Variants in DCUN1D4 observed in about 807,000 individuals in gnomAD.
DCUN1D4 encodes DCN1-like protein 4.
DCUN1D4 carries 22 observed loss-of-function variants against 47.9 expected under a neutral mutation model. The ratio of observed to expected loss-of-function variants is 0.46; its 90% CI spans 0.33 to 0.66. DCUN1D4 has a LOEUF of 0.66. Among genes scored for constraint, DCUN1D4 ranks in the 30% least tolerant of loss-of-function variants. DCUN1D4 has a pLI of 0.02. For synonymous variants in DCUN1D4, 121 were observed against 112.2 expected, an observed-to-expected ratio of 1.08 and a Z score of -0.50; for missense variants, 301 against 340.8, an observed-to-expected ratio of 0.88 and a Z score of 0.92.
At chr4:51,842,758 T>G (rs1204782187), upstream of DCUN1D4, among the ~76,000 whole-genome samples, 1 of 152,134 alleles carries the variant, frequency 6.6e-6, no homozygotes, top group Non-Finnish European at 1.5e-5. Context: ...TGGGAAACAC[T>G]TCGCGTGCTT....
At chr4:51,851,357 A>C (rs1368898132) in intron 1 of DCUN1D4, among the ~76,000 whole-genome samples, 1 of 152,196 alleles carries the variant, frequency 6.6e-6, no homozygotes, top group Admixed American at 6.5e-5. Flanking sequence ...AGCAGTTGTC[A>C]TGTGAGTTTT....
chr4:51,911,395 C>T (rs550315784), intron 9 of DCUN1D4, among the ~76,000 whole-genome samples: 42 of 152,250 alleles, frequency 2.8e-4, no homozygotes, highest in African/African-American at 9.9e-4. Context: ...AAAATGCATC[C>T]GAAACAGCCA....
At chr4:51,838,542 C>A (rs1347710982), upstream of DCUN1D4, among the ~76,000 whole-genome samples, 1 of 152,016 alleles carries the variant, frequency 6.6e-6, no homozygotes, top group Non-Finnish European at 1.5e-5. Flanking sequence ...CCACCACACC[C>A]AGATAATTTT....
At chr4:51,848,253 A>G in intron 1 of DCUN1D4, 1 of 1,289,402 alleles carries the variant, frequency 7.8e-7, no homozygotes, top group Non-Finnish European at 1.0e-6. Flanking sequence ...AGGAAAGAGT[A>G]AAATGCTGGT....
chr4:51,905,512 AC>A (rs1316814216), intron 8 of DCUN1D4, among the ~76,000 whole-genome samples: 2 of 152,202 alleles, frequency 1.3e-5, no homozygotes, highest in Middle Eastern at 3.2e-3. Context: ...TATTATATAA[AC>A]AATTGTTGTT....
chr4:51,891,901 G>A, intron 7 of DCUN1D4, 50 bp downstream of exon 7: 4 of 1,407,244 alleles, frequency 2.8e-6, no homozygotes, highest in Non-Finnish European at 3.0e-6. Context: ...CCAGGTGGTT[G>A]CCTCCTTCCT....
In DCUN1D4 at chr4:51,875,620, A is replaced by G. The variant is rs1003324173; in HGVS notation, c.251+1235A>G. On this transcript the variant is annotated intron_variant, in intron 4 of 10. Coordinates refer to ENST00000334635, the MANE Select transcript of DCUN1D4 (RefSeq NM_001040402.3). ...TACAAACCAGTTATAGAACATTTCT[A>G]TTATCCCAATAAGATCCCTAATGCC... Among the ~76,000 whole-genome samples the G allele has an allele frequency of 1.2e-4, 19 of 152,178 alleles. No homozygotes were observed. In the East Asian group the frequency reaches 1.5e-3, roughly 12 times the overall value.
intron 9 of DCUN1D4, among the ~76,000 whole-genome samples, chr4:51,912,397 T>A (rs1733839401): frequency 6.6e-6 from 1 of 152,232 alleles, no homozygotes; most frequent in South Asian, 2.1e-4. Flanking sequence ...GTCTGTGCTT[T>A]GTTCTCTCTC....
intron 5 of DCUN1D4, among the ~76,000 whole-genome samples, chr4:51,881,564 C>T (rs994708050): frequency 1.3e-5 from 2 of 149,958 alleles, no homozygotes; most frequent in Non-Finnish European, 3.0e-5. Flanking sequence ...AGGACCACTT[C>T]TTTCTGGATT....
intron 8 of DCUN1D4, among the ~76,000 whole-genome samples, chr4:51,902,632 C>T (rs1732294562): frequency 6.6e-6 from 1 of 152,012 alleles, no homozygotes. Context: ...CTGTTTGTTT[C>T]TTTATGTTTA....
intron 9 of DCUN1D4, among the ~76,000 whole-genome samples, chr4:51,911,653 G>A (rs924075716): frequency 4.6e-5 from 7 of 152,104 alleles, no homozygotes; most frequent in African/African-American, 1.7e-4. Flanking sequence ...TAAGTATTAG[G>A]CAGACTGACA....
At chr4:51,913,042 T>A (rs1253872548) in intron 9 of DCUN1D4, among the ~76,000 whole-genome samples, 1 of 152,192 alleles carries the variant, frequency 6.6e-6, no homozygotes, top group East Asian at 1.9e-4. Context: ...TGGGGATATA[T>A]AATCATGTTA....
chr4:51,905,276 C>T (rs989664613), intron 8 of DCUN1D4: 8 of 445,108 alleles, frequency 1.8e-5, no homozygotes, highest in Non-Finnish European at 2.3e-5. Flanking sequence ...TGAGAGCCAG[C>T]GAGGAGGGGC....
chr4:51,842,984 ACCAATCGTATTGG>A, upstream of DCUN1D4: 1 of 1,182,102 alleles, frequency 8.5e-7, no homozygotes, highest in Non-Finnish European at 1.1e-6. Flanking sequence ...AGGCCCCAGG[ACCAATCGTATTGG>A]CCAGTGGGGG....
intron 8 of DCUN1D4, among the ~76,000 whole-genome samples, chr4:51,902,847 C>A (rs1033031075): frequency 6.6e-6 from 1 of 151,814 alleles, no homozygotes; most frequent in African/African-American, 2.4e-5. Context: ...TTCACTATTG[C>A]CTTATTAACT....
At chr4:51,863,588 T>C in intron 2 of DCUN1D4, 81 bp downstream of exon 2, 3 of 1,578,046 alleles carry the variant, frequency 1.9e-6, no homozygotes, top group Non-Finnish European at 2.6e-6. Flanking sequence ...AAAATTTAGA[T>C]TCTAGATATT....
chr4:51,864,504 G>C (rs1015038140), intron 3 of DCUN1D4, among the ~76,000 whole-genome samples: 1 of 152,180 alleles, frequency 6.6e-6, no homozygotes, highest in Non-Finnish European at 1.5e-5. Flanking sequence ...CTTAAACTGA[G>C]TAGTTTATAA....
chr4:51,854,320 A>G (rs993567880), intron 1 of DCUN1D4, among the ~76,000 whole-genome samples: 4 of 152,150 alleles, frequency 2.6e-5, no homozygotes, highest in African/African-American at 9.7e-5. Flanking sequence ...ATTTCAGGTT[A>G]TTTGAGATGT....
intron 8 of DCUN1D4, chr4:51,910,752 T>G: frequency 3.1e-6 from 1 of 327,064 alleles, no homozygotes; most frequent in Non-Finnish European, 5.5e-6. Context: ...AAGCAAGTGA[T>G]TGAGTTACAA....
Sources: allele counts gnomAD v4.1 joint callset (sites outside exome capture counted in the v4.1 genomes callset), GRCh38; gene constraint gnomAD v4.1.1; transcripts MANE v1.5; gene names NCBI Gene and HGNC (gene_info 2026-07-23, HGNC 2026-07-21).